The following NEDD9 variants were observed in gnomAD, a reference collection of about 807,000 sequenced individuals.
NEDD9 encodes the protein neural precursor cell expressed, developmentally down-regulated 9.
A neutral mutation model predicts 76.6 loss-of-function variants in NEDD9; 26 were observed. The observed-to-expected ratio is 0.34, with a 90% confidence interval of 0.25 to 0.47. NEDD9 has a LOEUF of 0.47. NEDD9 is among the 20% of genes least tolerant of loss of function. NEDD9 has a pLI of 1.00. For missense variants in NEDD9, 937 were observed against 1,058.5 expected (o/e 0.89, Z 1.59); for synonymous variants, 392 against 414.2 (o/e 0.95, Z 0.65).
rs1370254799 is a variant in NEDD9 at position 11,185,374 on chromosome 6, G to A, written c.2293C>T (p.Arg765Trp). The A allele has an allele frequency of 6.8e-6, 11 of 1,614,076 alleles. No individual in the cohort carries two copies. The highest frequency in any genetic ancestry group is 2.2e-5 in the East Asian group (1 of 44,900). Residue 765 changes from arginine (R) to tryptophan (W), a missense_variant, in exon 7 of 7, where the codon CGG becomes TGG. By Grantham distance (101) the Arg-to-Trp change is moderately radical (BLOSUM62 -3). Coordinates refer to ENST00000379446, the MANE Select transcript of NEDD9 (RefSeq NM_006403.4). Reference sequence around the variant, plus strand: ...CGAATGTCCTGGGCAGTCACCTGCCGTGTCAGCGTGTCTCCAATGAACACC... The same window carrying A: ...CGAATGTCCTGGGCAGTCACCTGCCATGTCAGCGTGTCTCCAATGAACACC... ...KLVFIGDTLT[R>W]QVTAQDIRNK...
intron 2 of NEDD9, among the ~76,000 whole-genome samples, chr6:11,323,565 A>G (rs1339787455): frequency 6.6e-6 from 1 of 152,178 alleles, no homozygotes; most frequent in Non-Finnish European, 1.5e-5. Flanking sequence ...CATGCAGTGA[A>G]CAGAGGCCAG....
chr6:11,201,017 A>G (rs769180452), intron 2 of NEDD9: 2 of 1,614,046 alleles, frequency 1.2e-6, no homozygotes, highest in Non-Finnish European at 8.5e-7. Flanking sequence ...TCACTAAGAA[A>G]TAGGACACTT....
chr6:11,341,812 T>G (rs1762278844), intron 1 of NEDD9, among the ~76,000 whole-genome samples: 1 of 152,090 alleles, frequency 6.6e-6, no homozygotes, highest in Admixed American at 6.5e-5. Flanking sequence ...CATACAAGGG[T>G]AGTGTAATCC....
intron 1 of NEDD9, among the ~76,000 whole-genome samples, chr6:11,228,515 G>A (rs961046275): frequency 1.3e-5 from 2 of 151,848 alleles, no homozygotes; most frequent in African/African-American, 4.8e-5. Context: ...GGGCGACAGA[G>A]TGAGACTTGA....
At chr6:11,249,102 G>A (rs1759863600) in intron 3 of NEDD9, 1 of 455,688 alleles carries the variant, frequency 2.2e-6, no homozygotes, top group African/African-American at 2.0e-5. Flanking sequence ...ACATTATTTT[G>A]GATGTTTCTG....
rs117580856 is a variant in NEDD9, at chr6:11,330,373, A to G, written c.-153+4128T>C. ...TAATTTAATATGACTAACGGATCTG[A>G]AAGATATTTTGGCGGGAACAGAGAG... On this transcript the variant is annotated intron_variant, in intron 2 of 3. Coordinates refer to the NEDD9 transcript ENST00000397378. Among the ~76,000 whole-genome samples the G allele has an allele frequency of 1.8e-3, 272 of 152,328 alleles. 2 individuals are homozygous for G. In the East Asian group the frequency reaches 0.039, roughly 22 times the overall value.
intron 1 of NEDD9, among the ~76,000 whole-genome samples, chr6:11,358,784 GT>G (rs1459122687): frequency 1.3e-5 from 2 of 152,188 alleles, no homozygotes; most frequent in African/African-American, 2.4e-5. Flanking sequence ...TGAATGGTGG[GT>G]GGCGGAGTGT....
chr6:11,276,904 A>C (rs1371793709), intron 3 of NEDD9, among the ~76,000 whole-genome samples: 1 of 152,216 alleles, frequency 6.6e-6, no homozygotes. Flanking sequence ...GTTCAATTAG[A>C]TCCTGGCAAA....
intron 3 of NEDD9, among the ~76,000 whole-genome samples, chr6:11,287,236 T>A (rs1159721181): frequency 6.6e-6 from 1 of 152,132 alleles, no homozygotes; most frequent in East Asian, 1.9e-4. Context: ...GAGACCAGCC[T>A]GGCCAACATG....
upstream of NEDD9, among the ~76,000 whole-genome samples, chr6:11,233,786 G>T (rs905100510): frequency 6.6e-6 from 1 of 152,088 alleles, no homozygotes; most frequent in Non-Finnish European, 1.5e-5. Context: ...CCTTTTTCCC[G>T]GGCAAGACTG....
chr6:11,297,501 G>A (rs1760927241), intron 3 of NEDD9, among the ~76,000 whole-genome samples: 1 of 152,156 alleles, frequency 6.6e-6, no homozygotes, highest in African/African-American at 2.4e-5. Flanking sequence ...TGTCACCTCT[G>A]GAACCAGAAA....
chr6:11,327,817 C>A (rs2113490593), intron 2 of NEDD9, among the ~76,000 whole-genome samples: 1 of 152,360 alleles, frequency 6.6e-6, no homozygotes, highest in African/African-American at 2.4e-5. Flanking sequence ...TGCCTTGGGG[C>A]AAATTTCCTC....
chr6:11,279,890 T>A (rs1022490374), intron 3 of NEDD9, among the ~76,000 whole-genome samples: 19 of 152,250 alleles, frequency 1.2e-4, no homozygotes, highest in African/African-American at 4.6e-4. Flanking sequence ...AAACACAGAT[T>A]TCAGCATTAG....
intron 3 of NEDD9, among the ~76,000 whole-genome samples, chr6:11,301,688 A>C (rs1402956788): frequency 6.6e-6 from 1 of 152,232 alleles, no homozygotes; most frequent in African/African-American, 2.4e-5. Flanking sequence ...GTGCAATCAA[A>C]TTAGAACTCA....
chr6:11,306,089 A>G, exon 3 of NEDD9: 1 of 1,491,840 alleles, frequency 6.7e-7, no homozygotes, highest in Non-Finnish European at 9.4e-7. Flanking sequence ...TCGTTTTCAT[A>G]ACTCTACTTG....
rs1280268891 is a variant in NEDD9, at chr6:11,190,114, C to T, written c.1755G>A (p.Gln585=). Residue 585 remains glutamine (Q), a synonymous_variant, in exon 5 of 7, where the codon CAG becomes CAA. Transcript: ENST00000379446. The surrounding 1 kb of genome is among the most constrained non-coding windows in gnomAD (Gnocchi z 5.8). ...GGTCACCAGGATGCAGCAGCTGTCC[C>T]TGGGAGCCACCGTGTGGGTACTCCG... ...NSTEYPHGGS[Q]GQLLHPGDHK... is the part of the protein sequence containing the mutation. The T allele has an allele frequency of 1.2e-6, 2 of 1,612,436 alleles. No individual in the cohort carries two copies. The highest frequency in any genetic ancestry group is 2.2e-5 in the East Asian group (1 of 44,856).
chr6:11,248,806 G>A, intron 3 of NEDD9: 1 of 264,352 alleles, frequency 3.8e-6, no homozygotes, highest in South Asian at 4.3e-5. Flanking sequence ...CCCCACCTTG[G>A]CCCTGGGATG....
Position 11,184,878 on chromosome 6 carries a change from A to C in NEDD9, c.*284T>G, listed in dbSNP as rs1422424060. 3.6e-6 allele frequency: 1 copy of C among 274,388 alleles called. No homozygotes were observed. The highest frequency in any genetic ancestry group is 6.8e-6 in the Non-Finnish European group (1 of 146,254). The allele number at this position is 274,388 out of a possible 1,614,324, so 17.0% of individuals were successfully genotyped here. On this transcript the variant is annotated 3_prime_UTR_variant, in exon 7 of 7. Coordinates refer to ENST00000379446, the MANE Select transcript of NEDD9 (RefSeq NM_006403.4). ...AAATGCATCAGACAAACATCTACAA[A>C]CAAACATGAATACATGGGCATACAA...
rs537888281 is a variant in NEDD9, at chr6:11,249,316, CTTAT to C, written c.13-35593_13-35590del. The C allele has an allele frequency of 2.6e-4, 101 of 391,802 alleles. 1 individual carries two copies. Among genetic ancestry groups the C allele is most frequent in the African/African-American group, 2.0e-3 (96 of 47,870 alleles). 24.3% of individuals were successfully genotyped at this position (391,802 alleles called of 1,614,324 possible). A position where few individuals can be genotyped will look rare whatever the true frequency, so the allele number is the denominator to read the frequency against. ...AGTTTAAAAAGAAGTTAATTTTCTT[CTTAT>C]TTGTTAGAATTCCTGGGTTGGTTCA... is the stretch of plus-strand genomic sequence containing the variant. On this transcript the variant is annotated intron_variant, in intron 3 of 3. Transcript: ENST00000397378.
Sources: gnomAD v4.1 joint callset for allele counts (sites outside exome capture counted in the v4.1 genomes callset) on GRCh38, gnomAD v4.1.1 for gene constraint, Gnocchi (gnomAD v3.1) non-coding constraint, MANE v1.5 for transcripts, NCBI Gene and HGNC (gene_info 2026-07-23, HGNC 2026-07-21) for gene names.